The following KCNQ1 variants were observed in gnomAD, a reference collection of about 807,000 sequenced individuals.
KCNQ1 encodes potassium voltage-gated channel subfamily KQT member 1.
Under a neutral mutation model 72.4 loss-of-function variants are expected in KCNQ1, and 49 were observed. That is an observed-to-expected ratio of 0.68 (90% CI 0.54 to 0.86). The LOEUF (loss-of-function observed/expected upper bound fraction) is 0.86. Among genes scored for constraint, KCNQ1 ranks in the 40% least tolerant of loss-of-function variants. KCNQ1 has a pLI of 0.00. For missense variants in KCNQ1, 790 were observed against 945.1 expected (o/e 0.84, Z 2.15); for synonymous variants, 450 against 412.6 (o/e 1.09, Z -1.10).
rs1847324771 is a variant in KCNQ1, at chr11:2,803,949, A to C, written c.1794+25912A>C. Among the ~76,000 whole-genome samples the C allele has an allele frequency of 6.6e-6, 1 of 151,932 alleles. No homozygotes were observed. The highest frequency in any genetic ancestry group is 1.9e-4 in the East Asian group (1 of 5,162). ...ACCTGGCAGATCCCACTCGGCTCACACAGAGCCTTGGCCAGCATGTGGCCG... is the reference window on the plus strand; with the variant it reads ...ACCTGGCAGATCCCACTCGGCTCACCCAGAGCCTTGGCCAGCATGTGGCCG... On this transcript the variant is annotated intron_variant, in intron 15 of 15. Transcript: ENST00000155840. This position sits in a 1 kb window ranked among gnomAD's most constrained non-coding sequence, Gnocchi z 6.4.
intron 1 of KCNQ1, among the ~76,000 whole-genome samples, chr11:2,485,647 C>T (rs1174745423): frequency 6.6e-6 from 1 of 152,106 alleles, no homozygotes. Context: ...ATTTTCTCAT[C>T]CTCCCAAACT....
chr11:2,755,486 T>TA (rs1367358435), intron 11 of KCNQ1, among the ~76,000 whole-genome samples: 3 of 152,186 alleles, frequency 2.0e-5, no homozygotes, highest in South Asian at 2.1e-4. Flanking sequence ...CTCCTGGCCT[T>TA]AAGTGAGCCT....
chr11:2,733,814 A>ACACTCT, intron 11 of KCNQ1, among the ~76,000 whole-genome samples: 24 of 86,654 alleles, frequency 2.8e-4, no homozygotes, highest in Admixed American at 8.7e-4. Context: ...ACACACACAC[A>ACACTCT]CTCTCTCACT....
intron 10 of KCNQ1, chr11:2,638,505 C>G (rs1227072209): frequency 6.6e-6 from 1 of 152,178 alleles, no homozygotes; most frequent in Non-Finnish European, 1.5e-5. Context: ...TATTGGCCCC[C>G]ACTCTCTTCT....
At chr11:2,582,602 C>T (rs1000008166) in intron 6 of KCNQ1, among the ~76,000 whole-genome samples, 3 of 152,242 alleles carry the variant, frequency 2.0e-5, no homozygotes, top group African/African-American at 4.8e-5. Flanking sequence ...CCCGCAGCCA[C>T]AGCCATGGTC....
At chr11:2,806,028 A>G (rs1015028085) in intron 15 of KCNQ1, among the ~76,000 whole-genome samples, 1 of 152,182 alleles carries the variant, frequency 6.6e-6, no homozygotes, top group African/African-American at 2.4e-5. Context: ...AGGGACAATT[A>G]TGCAGCTTTC....
At chr11:2,696,621 G>A (rs1012052886) in intron 11 of KCNQ1, 3 of 398,646 alleles carry the variant, frequency 7.5e-6, no homozygotes, top group African/African-American at 2.1e-5. Context: ...TTTGAGTGGA[G>A]TCCTGTTGAA....
In KCNQ1 at chr11:2,479,582, C is replaced by G. The variant is rs931311182; in HGVS notation, c.386+34098C>G. The stretch of plus-strand genomic sequence containing the variant: ...CAGGGCACCAAGTCCCTAGGCTGCA[C>G]ACAGCATGGAGGCCCTGGGCCCAGT... On this transcript the variant is annotated intron_variant, in intron 1 of 15. Transcript: ENST00000155840. This position sits in a 1 kb window ranked among gnomAD's most constrained non-coding sequence, Gnocchi z 4.6. Among the ~76,000 whole-genome samples, 1 of 152,214 alleles carries G rather than the reference C, an allele frequency of 6.6e-6. No homozygotes were observed. The highest frequency in any genetic ancestry group is 2.4e-5 in the African/African-American group (1 of 41,462).
chr11:2,590,932 G>A (rs560218212), intron 10 of KCNQ1, among the ~76,000 whole-genome samples: 1 of 152,322 alleles, frequency 6.6e-6, no homozygotes, highest in South Asian at 2.1e-4. Flanking sequence ...TGATGCCCTG[G>A]CATCACCACA....
In KCNQ1 at chr11:2,537,725, A is replaced by AT. The variant is rs1215906310; in HGVS notation, c.477+9714dup. ...TTTTTGTTGTTGGTTTTTTATTTTT[A>AT]TTTTTTTGAGAGAGAGAGGGTCTTG... On this transcript the variant is annotated intron_variant, in intron 2 of 15. Transcript: ENST00000155840. The surrounding 1 kb of genome is among the most constrained non-coding windows in gnomAD (Gnocchi z 5.2). 1.3e-5 allele frequency among the ~76,000 whole-genome samples: 2 copies of AT among 151,590 alleles called. No homozygotes were observed. Among genetic ancestry groups the AT allele is most frequent in the African/African-American group, 2.4e-5 (1 of 41,212 alleles).
rs1845891956 is a variant in KCNQ1 at position 2,733,774 on chromosome 11, C to CACACACACACA, written c.1515-35070_1515-35069insACACACACACA. Among the ~76,000 whole-genome samples the CACACACACACA allele has an allele frequency of 6.1e-4, 35 of 57,564 alleles. 1 individual carries two copies. The highest frequency in any genetic ancestry group is 1.4e-3 in the African/African-American group (22 of 15,302). 37.8% of individuals were successfully genotyped at this position (57,564 alleles called of 152,430 possible). ...GGGCAGGAGGGGGACTTCAGGCCTT[C>CACACACACACA]CACACACACACACACACACACACAC... On this transcript the variant is annotated intron_variant, in intron 11 of 15. Transcript: ENST00000155840.
rs544002697 is a variant in KCNQ1 at position 2,673,459 on chromosome 11, G to A, written c.1514+11378G>A. ...ACTTGGTGTTGGGCCTCCTTGAGCC[G>A]GAACACCTGAAAAGCCATACAGACT... is the stretch of plus-strand genomic sequence containing the variant. On this transcript the variant is annotated intron_variant, in intron 11 of 15. Coordinates refer to ENST00000155840, the MANE Select transcript of KCNQ1 (RefSeq NM_000218.3). The surrounding 1 kb of genome is among the most constrained non-coding windows in gnomAD (Gnocchi z 4.5). 4.3e-5 allele frequency: 17 copies of A among 398,660 alleles called. No individual in the cohort carries two copies. Among genetic ancestry groups the A allele is most frequent in the East Asian group, 2.5e-4 (7 of 28,082 alleles). The allele number at this position is 398,660 out of a possible 1,614,324, so 24.7% of individuals were successfully genotyped here.
intron 2 of KCNQ1, among the ~76,000 whole-genome samples, chr11:2,554,671 C>G (rs1221114206): frequency 6.6e-6 from 1 of 152,184 alleles, no homozygotes; most frequent in Non-Finnish European, 1.5e-5. Context: ...AGCTTTGCTC[C>G]CCAGGGAGGC....
chr11:2,697,865 GC>G, intron 11 of KCNQ1: 2 of 398,472 alleles, frequency 5.0e-6, no homozygotes, highest in South Asian at 2.5e-4. Context: ...GCTCTGATTC[GC>G]AATTTTAAAA....
chr11:2,492,898 TTCTAGTTCTAGAA>T lies in KCNQ1; in HGVS notation c.387-35014_387-35002del, dbSNP rs1432502268. On this transcript the variant is annotated intron_variant, in intron 1 of 15. Coordinates refer to ENST00000155840, the MANE Select transcript of KCNQ1 (RefSeq NM_000218.3). The surrounding 1 kb of genome is among the most constrained non-coding windows in gnomAD (Gnocchi z 4.1). ...ATGGGATTGCTGGGTCAAATGGTATTTCTAGTTCTAGAATCTAGTTCTAGAATCACCACGCTGT... is the reference window on the plus strand; with the variant it reads ...ATGGGATTGCTGGGTCAAATGGTATTTCTAGTTCTAGAATCACCACGCTGT... 1.3e-5 allele frequency among the ~76,000 whole-genome samples: 2 copies of T among 152,228 alleles called. No homozygotes were observed. Among genetic ancestry groups the T allele is most frequent in the Admixed American group, 6.5e-5 (1 of 15,286 alleles).
At chr11:2,580,151 A>C (rs886883382) in intron 6 of KCNQ1, among the ~76,000 whole-genome samples, 1 of 152,080 alleles carries the variant, frequency 6.6e-6, no homozygotes, top group African/African-American at 2.4e-5. Flanking sequence ...TACGCTTGGC[A>C]CGCAAGGCAG....
At chr11:2,504,546 A>C (rs1182324590) in intron 1 of KCNQ1, among the ~76,000 whole-genome samples, 1 of 152,208 alleles carries the variant, frequency 6.6e-6, no homozygotes, top group African/African-American at 2.4e-5. Flanking sequence ...ACTTAAGGCC[A>C]GGAGTTCGAG....
At chr11:2,845,017 A>G (rs1366758621) in intron 15 of KCNQ1, among the ~76,000 whole-genome samples, 3 of 152,150 alleles carry the variant, frequency 2.0e-5, no homozygotes, top group African/African-American at 4.8e-5. Flanking sequence ...TTGATCTGCT[A>G]CGCTCTCGTA....
intron 15 of KCNQ1, among the ~76,000 whole-genome samples, chr11:2,795,870 C>T (rs559277924): frequency 3.9e-5 from 6 of 152,198 alleles, no homozygotes; most frequent in African/African-American, 7.2e-5. Flanking sequence ...TCCCATGGGG[C>T]GGGGGCCGGG....
Sources: allele counts gnomAD v4.1 joint callset (sites outside exome capture counted in the v4.1 genomes callset), GRCh38; gene constraint gnomAD v4.1.1; non-coding constraint Gnocchi (gnomAD v3.1); transcripts MANE v1.5; gene names NCBI Gene and HGNC (gene_info 2026-07-23, HGNC 2026-07-21).